ZFHX4: variants seen among roughly 807,000 people sequenced by gnomAD.
ZFHX4 encodes the protein zinc finger homeobox protein 4.
A neutral mutation model predicts 267.6 loss-of-function variants in ZFHX4; 56 were observed. The ratio of observed to expected loss-of-function variants is 0.21; its 90% confidence interval spans 0.17 to 0.26. The LOEUF (loss-of-function observed/expected upper bound fraction) is 0.26. Among genes scored for constraint, ZFHX4 ranks in the 10% least tolerant of loss-of-function variants. ZFHX4 has a pLI of 1.00. For synonymous variants in ZFHX4, 1,778 were observed against 1,665.6 expected (o/e 1.07, Z -1.64); for missense variants, 4,332 against 4,420.0 (o/e 0.98, Z 0.56).
At chr8:76,766,589 T>C (rs1288594579) in intron 3 of ZFHX4, among the ~76,000 whole-genome samples, 1 of 152,064 alleles carries the variant, frequency 6.6e-6, no homozygotes, top group Non-Finnish European at 1.5e-5. Flanking sequence ...GCCTATATTA[T>C]TGGTTAATAA....
intron 3 of ZFHX4, among the ~76,000 whole-genome samples, chr8:76,731,893 T>TTATTATTA (rs1563489794): frequency 9.9e-6 from 1 of 100,636 alleles, no homozygotes; most frequent in Non-Finnish European, 2.1e-5. Flanking sequence ...TATTATTATT[T>TTATTATTA]TTGAGACAGA....
chr8:76,832,535 A>G (rs980121468), intron 4 of ZFHX4, among the ~76,000 whole-genome samples: 35 of 152,256 alleles, frequency 2.3e-4, no homozygotes, highest in African/African-American at 8.2e-4. Context: ...AGACTATTAC[A>G]GAGGCTGCTG....
chr8:76,719,258 T>C (rs1165700057), intron 3 of ZFHX4, among the ~76,000 whole-genome samples: 2 of 151,682 alleles, frequency 1.3e-5, no homozygotes, highest in South Asian at 2.1e-4. Flanking sequence ...ATGAAGATTA[T>C]GGGTTAATCA....
chr8:76,786,476 A>G (rs1233739726), intron 4 of ZFHX4, among the ~76,000 whole-genome samples: 1 of 151,740 alleles, frequency 6.6e-6, no homozygotes, highest in African/African-American at 2.4e-5. Context: ...AATGGAAATT[A>G]GGTTTGATAA....
intron 1 of ZFHX4, among the ~76,000 whole-genome samples, chr8:76,696,514 A>AATTAT (rs1331247967): frequency 6.6e-6 from 1 of 151,996 alleles, no homozygotes; most frequent in Non-Finnish European, 1.5e-5. Flanking sequence ...AGGAGCTTAT[A>AATTAT]ATTATGGTTG....
At chr8:76,740,392 G>A (rs932752323) in intron 3 of ZFHX4, among the ~76,000 whole-genome samples, 1 of 151,832 alleles carries the variant, frequency 6.6e-6, no homozygotes, top group Non-Finnish European at 1.5e-5. Context: ...AATGGGTTCC[G>A]CATACACTGC....
chr8:76,839,446 G>A (rs1197031377), intron 5 of ZFHX4, among the ~76,000 whole-genome samples: 1 of 151,918 alleles, frequency 6.6e-6, no homozygotes, highest in Non-Finnish European at 1.5e-5. Context: ...CTGAAAATTG[G>A]GATGTTCAAA....
At chr8:76,836,152 A>C (rs960074527) in intron 5 of ZFHX4, among the ~76,000 whole-genome samples, 13 of 152,174 alleles carry the variant, frequency 8.5e-5, no homozygotes, top group Non-Finnish European at 7.4e-5. Context: ...CCCTCACTTT[A>C]GATAATATCT....
chr8:76,745,135 T>C (rs1431639571), intron 3 of ZFHX4, among the ~76,000 whole-genome samples: 1 of 152,070 alleles, frequency 6.6e-6, no homozygotes, highest in Non-Finnish European at 1.5e-5. Flanking sequence ...TAAAACCCGG[T>C]TTAAAAATCA....
chr8:76,717,374 G>A lies in ZFHX4; in HGVS notation c.3093+9326G>A, dbSNP rs182042056. Reference sequence around the variant, plus strand: ...TTGATAGAACTACTTGTATTAACTGGACTTAGAGATGTTTGGAGAAATCTT... The same window carrying A: ...TTGATAGAACTACTTGTATTAACTGAACTTAGAGATGTTTGGAGAAATCTT... On this transcript the variant is annotated intron_variant, in intron 3 of 10. Coordinates refer to ENST00000651372, the MANE Select transcript of ZFHX4 (RefSeq NM_024721.5). Among the ~76,000 whole-genome samples the A allele has an allele frequency of 1.4e-3, 218 of 152,174 alleles. 2 individuals are homozygous for A. Among genetic ancestry groups the A allele is most frequent in the Middle Eastern group, 3.4e-3 (1 of 294 alleles).
At chr8:76,731,856 CATTATT>C (rs76950838) in intron 3 of ZFHX4, among the ~76,000 whole-genome samples, 97 of 143,814 alleles carry the variant, frequency 6.7e-4, no homozygotes, top group Middle Eastern at 3.7e-3. Flanking sequence ...TGGTGCCACA[CATTATT>C]ATTATTATTA....
At position 76,851,241 on chromosome 8, in the gene ZFHX4, A is replaced by T. The variant is rs1812511926; in HGVS notation, c.4320A>T (p.Leu1440Phe). 1.9e-6 allele frequency: 3 copies of T among 1,613,728 alleles called. No homozygotes were observed. Among genetic ancestry groups the T allele is most frequent in the Non-Finnish European group, 8.5e-7 (1 of 1,179,786 alleles). Residue 1440 changes from leucine (L) to phenylalanine (F), a missense_variant, in exon 10 of 11, where the codon TTA becomes TTT. Coordinates refer to ENST00000651372, the MANE Select transcript of ZFHX4 (RefSeq NM_024721.5). Reference sequence around the variant, plus strand: ...GCAGTTTCCGTACATTCCAGGCTTTAAAAAAACACTTGGAAGCAGGCCACC... The same window carrying T: ...GCAGTTTCCGTACATTCCAGGCTTTTAAAAAACACTTGGAAGCAGGCCACC... ...CQRSFRTFQA[L>F]KKHLEAGHPE...
rs1214785551 is a variant in ZFHX4, at chr8:76,681,440, C to A, written c.-227C>A. On this transcript the variant is annotated 5_prime_UTR_variant, in exon 1 of 11. Transcript: ENST00000651372. ...CCGGACCCCCGAGGACCGCTCCATG[C>A]CCCCCACTTTCTGCTCCAGCGTTTT... is the stretch of plus-strand genomic sequence containing the variant. The A allele has an allele frequency of 2.5e-6, 1 of 398,562 alleles. No individual in the cohort carries two copies. The highest frequency in any genetic ancestry group is 4.4e-5 in the Admixed American group (1 of 22,706). The allele number at this position is 398,562 out of a possible 1,614,324, so 24.7% of individuals were successfully genotyped here. A position where few individuals can be genotyped will look rare whatever the true frequency, so the allele number is the denominator to read the frequency against.
intron 7 of ZFHX4, among the ~76,000 whole-genome samples, 163 bp downstream of exon 7, chr8:76,849,291 C>T (rs1016345072): frequency 4.6e-5 from 7 of 152,132 alleles, no homozygotes; most frequent in African/African-American, 1.7e-4. Flanking sequence ...CATCAGAATA[C>T]ATTAACTATG....
At chr8:76,728,763 A>G (rs1179974166) in intron 3 of ZFHX4, among the ~76,000 whole-genome samples, 3 of 152,136 alleles carry the variant, frequency 2.0e-5, no homozygotes, top group Non-Finnish European at 4.4e-5. Flanking sequence ...GCACCCCCCC[A>G]ATCTTTATGG....
At chr8:76,708,274 G>A in intron 3 of ZFHX4, 1 of 560,320 alleles carries the variant, frequency 1.8e-6, no homozygotes. Flanking sequence ...TGTCTCAGTG[G>A]CATTTATTTC....
chr8:76,691,986 G>A (rs765594706), intron 1 of ZFHX4, among the ~76,000 whole-genome samples: 17 of 152,118 alleles, frequency 1.1e-4, no homozygotes, highest in Non-Finnish European at 2.2e-4. Flanking sequence ...GGGGAAAGGA[G>A]TAGTATCCTT....
intron 5 of ZFHX4, among the ~76,000 whole-genome samples, chr8:76,839,845 A>G (rs536158363): frequency 1.1e-4 from 17 of 152,070 alleles, no homozygotes; most frequent in Non-Finnish European, 2.2e-4. Context: ...GAACGTAGCC[A>G]CTCCTTCCCT....
Position 76,707,929 on chromosome 8 carries a change from G to A in ZFHX4, c.2974G>A (p.Ala992Thr), listed in dbSNP as rs758528474. Residue 992 changes from alanine (A) to threonine (T), a missense_variant, in exon 3 of 11, where the codon GCC (alanine) becomes ACC (threonine). Transcript: ENST00000651372. ...KSNEWRLKCI[A>T]IGNPVHLKCN... The stretch of plus-strand genomic sequence containing the variant: ...CAATGAGTGGAGGTTGAAGTGTATT[G>A]CCATTGGCAACCCTGTTCACCTAAA... 1 of 1,614,018 alleles carries A rather than the reference G, an allele frequency of 6.2e-7. No homozygotes were observed. The highest frequency in any genetic ancestry group is 8.5e-7 in the Non-Finnish European group (1 of 1,179,912).
Sources: gnomAD v4.1 joint callset for allele counts (sites outside exome capture counted in the v4.1 genomes callset) on GRCh38, gnomAD v4.1.1 for gene constraint, MANE v1.5 for transcripts, NCBI Gene and HGNC (gene_info 2026-07-23, HGNC 2026-07-21) for gene names.